Variants in FBXL13 observed in about 807,000 individuals in gnomAD.
FBXL13 encodes the protein F-box and leucine rich repeat protein 13.
A neutral mutation model predicts 83.6 loss-of-function variants in FBXL13; 67 were observed. That is an observed-to-expected ratio of 0.80 (90% CI 0.66 to 0.98). FBXL13 has a LOEUF of 0.98. FBXL13 is among the 50% of genes least tolerant of loss of function. FBXL13 has a pLI of 0.00. For synonymous variants in FBXL13, 272 were observed against 299.5 expected (o/e 0.91, Z 0.95); for missense variants, 822 against 866.5 (o/e 0.95, Z 0.64).
intron 6 of FBXL13, among the ~76,000 whole-genome samples, chr7:103,022,923 A>G (rs957242681): frequency 6.6e-6 from 1 of 152,260 alleles, no homozygotes; most frequent in Non-Finnish European, 1.5e-5. Context: ...TGAACTATAC[A>G]TCCAACAGAA....
At chr7:102,907,814 T>A (rs567530809) in intron 11 of FBXL13, among the ~76,000 whole-genome samples, 1 of 152,298 alleles carries the variant, frequency 6.6e-6, no homozygotes, top group African/African-American at 2.4e-5. Flanking sequence ...CATAAAAAAA[T>A]GCTCATCATC....
intron 11 of FBXL13, among the ~76,000 whole-genome samples, chr7:102,887,751 A>G (rs1810986462): frequency 6.6e-6 from 1 of 152,236 alleles, no homozygotes; most frequent in Non-Finnish European, 1.5e-5. Flanking sequence ...CATCTCAAAA[A>G]TAAAAACAAA....
chr7:102,893,916 GAA>G (rs1189341866), intron 11 of FBXL13, among the ~76,000 whole-genome samples: 4 of 148,190 alleles, frequency 2.7e-5, no homozygotes, highest in African/African-American at 7.5e-5. Context: ...GGAGGGGAAA[GAA>G]AGAGAGAGAG....
intron 17 of FBXL13, among the ~76,000 whole-genome samples, chr7:102,841,109 A>C (rs1802852299): frequency 6.6e-6 from 1 of 152,232 alleles, no homozygotes; most frequent in Non-Finnish European, 1.5e-5. Flanking sequence ...AGGCACAATG[A>C]GCAAAGCCTA....
Position 103,055,194 on chromosome 7 carries a change from A to C in FBXL13, c.-1+450T>G. ...GCACATATCCCTTTAATAACATCATAAAATACAGTCAAAATTAATTTCATT... is the reference window on the plus strand; with the variant it reads ...GCACATATCCCTTTAATAACATCATCAAATACAGTCAAAATTAATTTCATT... On this transcript the variant is annotated intron_variant, in intron 2 of 19. Transcript: ENST00000313221. 1 of 1,221,632 alleles carries C rather than the reference A, an allele frequency of 8.2e-7. No individual in the cohort carries two copies. The highest frequency in any genetic ancestry group is 5.8e-5 in the East Asian group (1 of 17,224). 75.7% of individuals were successfully genotyped at this position (1,221,632 alleles called of 1,614,324 possible). A position where few individuals can be genotyped will look rare whatever the true frequency, so the allele number is the denominator to read the frequency against.
chr7:102,881,406 C>T lies in FBXL13; in HGVS notation c.1388+1899G>A, dbSNP rs1366541129. Among the ~76,000 whole-genome samples, 3 of 137,974 alleles carry T rather than the reference C, an allele frequency of 2.2e-5. No homozygotes were observed. In the Admixed American group the frequency reaches 2.3e-4, roughly 11 times the overall value. 90.5% of individuals were successfully genotyped at this position (137,974 alleles called of 152,430 possible). A position where few individuals can be genotyped will look rare whatever the true frequency, so the allele number is the denominator to read the frequency against. On this transcript the variant is annotated intron_variant, in intron 14 of 19. Transcript: ENST00000313221. ...GAGCCAAGATTGCACCACTGCACTC[C>T]AGCCTGGGTGACAGAGTGAGACTCC...
At chr7:103,053,843 G>C (rs1459261059) in intron 2 of FBXL13, among the ~76,000 whole-genome samples, 1 of 152,172 alleles carries the variant, frequency 6.6e-6, no homozygotes, top group Non-Finnish European at 1.5e-5. Flanking sequence ...AGATCAAGTA[G>C]GATGGGATAC....
chr7:102,869,483 T>C (rs933073950), intron 16 of FBXL13, among the ~76,000 whole-genome samples: 2 of 149,128 alleles, frequency 1.3e-5, no homozygotes, highest in African/African-American at 4.9e-5. Flanking sequence ...GTTGATGTAA[T>C]ACCATTCGTG....
intron 16 of FBXL13, among the ~76,000 whole-genome samples, chr7:102,873,282 C>T (rs925472770): frequency 2.6e-5 from 4 of 152,188 alleles, no homozygotes; most frequent in Admixed American, 6.5e-5. Flanking sequence ...TTTTCCCAAC[C>T]TGCAGCAAAC....
intron 8 of FBXL13, among the ~76,000 whole-genome samples, chr7:102,949,193 G>A (rs1287774459): frequency 6.6e-6 from 1 of 152,130 alleles, no homozygotes; most frequent in East Asian, 1.9e-4. Flanking sequence ...ACCAATAGAG[G>A]AACTGATCTT....
chr7:102,853,745 C>A (rs1406598537), intron 17 of FBXL13, among the ~76,000 whole-genome samples: 5 of 152,270 alleles, frequency 3.3e-5, no homozygotes, highest in East Asian at 1.9e-4. Context: ...GAAGACATTT[C>A]TGCAGCCAAA....
intron 2 of FBXL13, among the ~76,000 whole-genome samples, chr7:103,050,808 T>C (rs1796732205): frequency 6.6e-6 from 1 of 152,194 alleles, no homozygotes; most frequent in Admixed American, 6.5e-5. Flanking sequence ...GCTTCCCATG[T>C]CCCATGGTCC....
intron 18 of FBXL13, among the ~76,000 whole-genome samples, chr7:102,831,431 A>ACACACCCCCC (rs1033135095): frequency 1.1e-4 from 16 of 147,236 alleles, no homozygotes; most frequent in African/African-American, 3.7e-4. Context: ...ACACACACAC[A>ACACACCCCCC]CCCCACTACA....
At chr7:102,825,027 G>C (rs886219003) in intron 18 of FBXL13, among the ~76,000 whole-genome samples, 2 of 152,072 alleles carry the variant, frequency 1.3e-5, no homozygotes, top group Non-Finnish European at 2.9e-5. Flanking sequence ...AGTAGATGTA[G>C]TTTAGTTTAT....
At chr7:102,825,012 T>C (rs1239096840) in intron 18 of FBXL13, among the ~76,000 whole-genome samples, 1 of 152,198 alleles carries the variant, frequency 6.6e-6, no homozygotes, top group Non-Finnish European at 1.5e-5. Flanking sequence ...TAAAATGTTT[T>C]ATTTAGTAGA....
At chr7:102,847,324 C>G (rs928266878) in intron 17 of FBXL13, among the ~76,000 whole-genome samples, 50 of 152,120 alleles carry the variant, frequency 3.3e-4, no homozygotes, top group African/African-American at 1.2e-3. Flanking sequence ...GAAAATGTGG[C>G]CATGTAAGAG....
intron 11 of FBXL13, among the ~76,000 whole-genome samples, chr7:102,891,902 A>T (rs574163289): frequency 3.9e-4 from 59 of 152,316 alleles, no homozygotes; most frequent in African/African-American, 1.3e-3. Flanking sequence ...CCCTTGTATT[A>T]CTGAGAAAAT....
intron 11 of FBXL13, among the ~76,000 whole-genome samples, chr7:102,889,963 T>G (rs752427569): frequency 6.6e-6 from 1 of 150,694 alleles, no homozygotes; most frequent in East Asian, 2.0e-4. Context: ...AGCCCAAAAC[T>G]TGATGCTATC....
At chr7:102,876,498 G>A (rs1220148903) in intron 16 of FBXL13, among the ~76,000 whole-genome samples, 1 of 151,754 alleles carries the variant, frequency 6.6e-6, no homozygotes, top group South Asian at 2.1e-4. Flanking sequence ...AGAAAGGAAA[G>A]AACCTAGACC....
Sources: gnomAD v4.1 joint callset for allele counts (sites outside exome capture counted in the v4.1 genomes callset) on GRCh38, gnomAD v4.1.1 for gene constraint, MANE v1.5 for transcripts, NCBI Gene and HGNC (gene_info 2026-07-23, HGNC 2026-07-21) for gene names.